ROBO2: variants seen among roughly 807,000 people sequenced by gnomAD.
The protein encoded by ROBO2 is roundabout guidance receptor 2.
Under a neutral mutation model 160.8 loss-of-function variants are expected in ROBO2, and 53 were observed. That is an observed-to-expected ratio of 0.33 (90% CI 0.26 to 0.41). The LOEUF is 0.41. ROBO2 is among the 10% of genes least tolerant of loss of function. The probability of loss-of-function intolerance (pLI) is 1.00; values close to 1 mark genes in which losing one functional copy is unlikely to be tolerated. For missense variants in ROBO2, 1,577 were observed against 1,722.4 expected (o/e 0.92, Z 1.49); for synonymous variants, 664 against 611.7 (o/e 1.09, Z -1.26).
chr3:76,872,880 G>A (rs1225361248), intron 2 of ROBO2, among the ~76,000 whole-genome samples: 1 of 151,206 alleles, frequency 6.6e-6, no homozygotes, highest in African/African-American at 2.4e-5. Flanking sequence ...TGGCTAGGGA[G>A]GAAAAAAAAA....
chr3:76,649,276 C>T (rs571988667), intron 2 of ROBO2, among the ~76,000 whole-genome samples: 22 of 152,214 alleles, frequency 1.4e-4, no homozygotes, highest in African/African-American at 4.6e-4. Context: ...TCAGAAACTG[C>T]GTTTCTTTGG....
At chr3:76,023,306 A>G (rs1043340209) in intron 2 of ROBO2, among the ~76,000 whole-genome samples, 1 of 151,720 alleles carries the variant, frequency 6.6e-6, no homozygotes, top group African/African-American at 2.4e-5. Context: ...GTTGGCTGTT[A>G]TAAGAGACCT....
At chr3:76,196,133 A>G (rs975718424) in intron 2 of ROBO2, among the ~76,000 whole-genome samples, 4 of 151,992 alleles carry the variant, frequency 2.6e-5, no homozygotes, top group Admixed American at 2.0e-4. Flanking sequence ...CTTTCTTCCT[A>G]CTATGAAGGA....
At chr3:77,166,276 A>T (rs549251445) in intron 2 of ROBO2, among the ~76,000 whole-genome samples, 1 of 152,280 alleles carries the variant, frequency 6.6e-6, no homozygotes, top group East Asian at 1.9e-4. Flanking sequence ...AAAAAAAGAA[A>T]AAAAAGAAAA....
chr3:76,749,080 T>C (rs773578794), intron 2 of ROBO2, among the ~76,000 whole-genome samples: 64 of 151,928 alleles, frequency 4.2e-4, no homozygotes, highest in Admixed American at 9.2e-4. Context: ...AAAGACAAGA[T>C]ACAAAATGTA....
At chr3:76,731,380 T>A (rs187824898) in intron 2 of ROBO2, among the ~76,000 whole-genome samples, 1,560 of 152,322 alleles carry the variant, frequency 0.01, 18 homozygotes, top group Non-Finnish European at 0.016. Flanking sequence ...TTTTAAGAAT[T>A]CCTGGGAGGC....
rs144091535 is a variant in ROBO2, at chr3:77,581,945, T to C, written c.2500+1827T>C. On this transcript the variant is annotated intron_variant, in intron 16 of 25. Transcript: ENST00000461745. ...GTTTTACATGAGTATGTTTTAAGAT[T>C]ATTATATCTTCTTTTTAAATTTACC... Among the ~76,000 whole-genome samples, 655 of 152,302 alleles carry C rather than the reference T, an allele frequency of 4.3e-3. 5 individuals are homozygous for C. The highest frequency in any genetic ancestry group is 0.015 in the African/African-American group (633 of 41,576).
chr3:76,724,411 T>C (rs1268979395), intron 2 of ROBO2, among the ~76,000 whole-genome samples: 1 of 152,226 alleles, frequency 6.6e-6, no homozygotes, highest in Non-Finnish European at 1.5e-5. Context: ...AGCTGGCAAC[T>C]ATTTCCGCAA....
intron 2 of ROBO2, among the ~76,000 whole-genome samples, chr3:76,915,842 T>A (rs1322798503): frequency 6.6e-6 from 1 of 152,132 alleles, no homozygotes; most frequent in Non-Finnish European, 1.5e-5. Flanking sequence ...TGTTTATTAC[T>A]CACGGTTCTG....
Position 77,052,969 on chromosome 3 carries a change from T to C in ROBO2, c.61+12123T>C, listed in dbSNP as rs2065367664. On this transcript the variant is annotated intron_variant, in intron 1 of 25. Coordinates refer to ENST00000461745, the Ensembl canonical transcript of ROBO2. ...CAGTCTGTGAATTACAAAGAAGTTGTTATTTATATATGTATGCCTGTATGT... is the reference window on the plus strand; with the variant it reads ...CAGTCTGTGAATTACAAAGAAGTTGCTATTTATATATGTATGCCTGTATGT... Among the ~76,000 whole-genome samples the C allele has an allele frequency of 2.0e-5, 3 of 152,214 alleles. No homozygotes were observed. The South Asian group carries it at 6.2e-4, about 32-fold the overall frequency.
intron 2 of ROBO2, among the ~76,000 whole-genome samples, chr3:76,426,899 T>C (rs1242456071): frequency 6.6e-6 from 1 of 152,138 alleles, no homozygotes; most frequent in Non-Finnish European, 1.5e-5. Context: ...TACCCAGTTA[T>C]ATATGAATGA....
intron 2 of ROBO2, among the ~76,000 whole-genome samples, chr3:76,925,537 G>C (rs1470047762): frequency 6.6e-6 from 1 of 152,090 alleles, no homozygotes; most frequent in South Asian, 2.1e-4. Context: ...ATGTATTTCT[G>C]GAAAAAAATA....
chr3:76,558,127 TGCCTTTCA>T (rs2083923249), intron 2 of ROBO2, among the ~76,000 whole-genome samples: 1 of 152,066 alleles, frequency 6.6e-6, no homozygotes, highest in Admixed American at 6.6e-5. Context: ...TTGTGATAGT[TGCCTTTCA>T]GCCTAAAGTT....
chr3:76,080,551 T>C (rs2068790952), intron 2 of ROBO2, among the ~76,000 whole-genome samples: 1 of 152,234 alleles, frequency 6.6e-6, no homozygotes, highest in African/African-American at 2.4e-5. Context: ...ATTTGTTTAA[T>C]CAAATAACCA....
intron 2 of ROBO2, among the ~76,000 whole-genome samples, chr3:76,436,049 T>G (rs1298822928): frequency 6.6e-6 from 1 of 151,710 alleles, no homozygotes; most frequent in Non-Finnish European, 1.5e-5. Flanking sequence ...TGGTGCTAGC[T>G]GCTGTAGCAG....
At chr3:76,751,827 CTT>C (rs1338307870) in intron 2 of ROBO2, among the ~76,000 whole-genome samples, 1 of 152,126 alleles carries the variant, frequency 6.6e-6, no homozygotes, top group East Asian at 1.9e-4. Flanking sequence ...AATAGGAACA[CTT>C]TTACACTGTT....
At chr3:75,996,409 C>T (rs2065726574) in intron 2 of ROBO2, among the ~76,000 whole-genome samples, 1 of 152,108 alleles carries the variant, frequency 6.6e-6, no homozygotes, top group South Asian at 2.1e-4. Context: ...AGGTGACTTC[C>T]TCCATGATTG....
intron 2 of ROBO2, among the ~76,000 whole-genome samples, chr3:76,539,105 A>C (rs1272363694): frequency 6.6e-6 from 1 of 152,160 alleles, no homozygotes; most frequent in Non-Finnish European, 1.5e-5. Flanking sequence ...CAGAAAACCA[A>C]ACACTGCACG....
intron 23 of ROBO2, chr3:77,632,612 A>C: frequency 6.5e-7 from 1 of 1,535,778 alleles, no homozygotes; most frequent in Non-Finnish European, 8.7e-7. Flanking sequence ...GCAGCAGCAG[A>C]TAAAGCTGGT....
Sources: allele counts gnomAD v4.1 joint callset (sites outside exome capture counted in the v4.1 genomes callset), GRCh38; gene constraint gnomAD v4.1.1; transcripts MANE v1.5; gene names NCBI Gene and HGNC (gene_info 2026-07-23, HGNC 2026-07-21).